Variants in PCDH15 observed in about 807,000 individuals in gnomAD.
PCDH15 encodes protocadherin related 15, also known as protocadherin-15.
A neutral mutation model predicts 178.5 loss-of-function variants in PCDH15; 129 were observed. The ratio of observed to expected loss-of-function variants is 0.72; its 90% CI spans 0.63 to 0.84. The LOEUF is 0.84. Among genes scored for constraint, PCDH15 ranks in the 40% least tolerant of loss-of-function variants. The pLI is 0.00. For synonymous variants in PCDH15, 800 were observed against 732.0 expected (o/e 1.09, Z -1.50); for missense variants, 2,230 against 2,099.9 (o/e 1.06, Z -1.21).
intron 14 of PCDH15, among the ~76,000 whole-genome samples, chr10:54,133,861 A>ACG (rs2042656413): frequency 6.7e-6 from 1 of 149,974 alleles, no homozygotes; most frequent in South Asian, 2.1e-4. Flanking sequence ...GTATACATAC[A>ACG]CACACACACA....
intron 1 of PCDH15, among the ~76,000 whole-genome samples, chr10:54,722,747 T>C (rs1591286394): frequency 6.6e-6 from 1 of 151,804 alleles, no homozygotes; most frequent in South Asian, 2.1e-4. Flanking sequence ...TATACACCAA[T>C]AACATTCAAG....
chr10:53,963,132 C>T (rs964841376), intron 21 of PCDH15, among the ~76,000 whole-genome samples: 2 of 152,144 alleles, frequency 1.3e-5, no homozygotes, highest in African/African-American at 4.8e-5. Context: ...GTTCTGAGAA[C>T]ATTGCTTTTT....
chr10:54,565,414 C>A (rs562993335), intron 2 of PCDH15, among the ~76,000 whole-genome samples: 3 of 152,252 alleles, frequency 2.0e-5, no homozygotes, highest in Admixed American at 1.3e-4. Flanking sequence ...TGAGGCCTGA[C>A]CTTAACAGCC....
intron 27 of PCDH15, among the ~76,000 whole-genome samples, 189 bp from the exon 28 acceptor site, chr10:53,857,452 G>A (rs952415138): frequency 2.0e-5 from 3 of 152,082 alleles, no homozygotes; most frequent in African/African-American, 7.2e-5. Context: ...AACTGGGGCA[G>A]ACTGAGCATG....
At chr10:54,438,704 A>T (rs1461244233) in intron 3 of PCDH15, among the ~76,000 whole-genome samples, 2 of 152,074 alleles carry the variant, frequency 1.3e-5, no homozygotes, top group Non-Finnish European at 2.9e-5. Context: ...GTATGGTTCC[A>T]TTGCAGGATG....
intron 3 of PCDH15, among the ~76,000 whole-genome samples, chr10:54,383,312 G>A (rs1038085328): frequency 7.9e-5 from 12 of 151,768 alleles, no homozygotes; most frequent in African/African-American, 1.5e-4. Flanking sequence ...CACAGTAACC[G>A]TTGATAACTT....
intron 25 of PCDH15, among the ~76,000 whole-genome samples, chr10:53,905,408 AC>A (rs754703123): frequency 3.3e-5 from 5 of 152,078 alleles, no homozygotes; most frequent in Non-Finnish European, 7.4e-5. Context: ...ATCTCGGCTC[AC>A]TGTAAGCTCC....
chr10:53,806,255 T>TAATCA lies in PCDH15; in HGVS notation c.*319_*323dup. On this transcript the variant is annotated 3_prime_UTR_variant, in exon 38 of 38. Transcript: ENST00000644397. ...GCTAGAAATAAAGCATAATCTATGT[T>TAATCA]AATCAATAAAATATAAATGATTATT... 4.4e-6 allele frequency: 1 copy of TAATCA among 226,772 alleles called. No individual in the cohort carries two copies. The highest frequency in any genetic ancestry group is 7.8e-5 in the South Asian group (1 of 12,816). 14.0% of individuals were successfully genotyped at this position (226,772 alleles called of 1,614,324 possible).
At chr10:54,145,784 G>A (rs933103518) in intron 14 of PCDH15, among the ~76,000 whole-genome samples, 1 of 152,056 alleles carries the variant, frequency 6.6e-6, no homozygotes, top group Admixed American at 6.6e-5. Context: ...GGCTATATCT[G>A]TTGATATAAA....
intron 5 of PCDH15, among the ~76,000 whole-genome samples, chr10:54,347,983 G>T (rs1202191958): frequency 6.6e-6 from 1 of 151,744 alleles, no homozygotes; most frequent in East Asian, 1.9e-4. Context: ...CAAGTAGCTG[G>T]GACCACAGGC....
chr10:55,477,775 C>T (rs1488558377), intron 2 of PCDH15, among the ~76,000 whole-genome samples: 1 of 151,854 alleles, frequency 6.6e-6, no homozygotes, highest in Non-Finnish European at 1.5e-5. Flanking sequence ...CAGAATATCT[C>T]CTTGATAAAT....
rs185968407 is a variant in PCDH15 at position 53,909,606 on chromosome 10, A to T, written c.3374-6236T>A. Among the ~76,000 whole-genome samples, 78 of 152,306 alleles carry T rather than the reference A, an allele frequency of 5.1e-4. 1 individual carries two copies. The East Asian group carries it at 0.015, about 29-fold the overall frequency. On this transcript the variant is annotated intron_variant, in intron 25 of 37. Coordinates refer to ENST00000644397, the MANE Select transcript of PCDH15 (RefSeq NM_001384140.1). ...GCGTGCTTGGCGCAGAAGACGGGTG[A>T]TTTCTGCATTTCCAACTGAGGTACC...
chr10:54,600,043 C>G, intron 2 of PCDH15: 1 of 1,327,852 alleles, frequency 7.5e-7, no homozygotes, highest in Middle Eastern at 1.8e-4. Context: ...GAAAGGTGAA[C>G]AGAAAGAGGA....
At chr10:54,254,914 A>ATT (rs34549934) in intron 8 of PCDH15, among the ~76,000 whole-genome samples, 7 of 151,982 alleles carry the variant, frequency 4.6e-5, no homozygotes, top group Admixed American at 6.5e-5. Flanking sequence ...TTTCAACGTA[A>ATT]TTTTTTTTCT....
intron 2 of PCDH15, among the ~76,000 whole-genome samples, chr10:54,573,964 A>T (rs559434466): frequency 6.6e-6 from 1 of 152,220 alleles, no homozygotes; most frequent in African/African-American, 2.4e-5. Flanking sequence ...ATTTTCTCCC[A>T]TTGTGTAGGT....
At chr10:55,603,081 C>T (rs1391261508) in intron 2 of PCDH15, among the ~76,000 whole-genome samples, 7 of 151,724 alleles carry the variant, frequency 4.6e-5, no homozygotes, top group South Asian at 2.1e-4. Flanking sequence ...TCGAGAACTA[C>T]GTGAAGAATG....
intron 2 of PCDH15, among the ~76,000 whole-genome samples, chr10:55,458,088 G>T (rs972022052): frequency 2.0e-5 from 3 of 151,856 alleles, no homozygotes; most frequent in Non-Finnish European, 4.4e-5. Flanking sequence ...AATCTTGTAG[G>T]ATTCTGTATT....
chr10:55,095,319 A>C (rs899788799), intron 2 of PCDH15, among the ~76,000 whole-genome samples: 1 of 151,928 alleles, frequency 6.6e-6, no homozygotes, highest in African/African-American at 2.4e-5. Context: ...CTTATCTTAA[A>C]TATATTAAAA....
intron 1 of PCDH15, among the ~76,000 whole-genome samples, chr10:55,270,799 G>A (rs192429615): frequency 1.3e-5 from 2 of 151,450 alleles, no homozygotes; most frequent in East Asian, 1.9e-4. Flanking sequence ...TGTACCCAAA[G>A]GAAAATAGAT....
Sources: allele counts gnomAD v4.1 joint callset (sites outside exome capture counted in the v4.1 genomes callset), GRCh38; gene constraint gnomAD v4.1.1; transcripts MANE v1.5; gene names NCBI Gene and HGNC (gene_info 2026-07-23, HGNC 2026-07-21).